The following HBS1L variants were observed in gnomAD, a reference collection of about 807,000 sequenced individuals.
HBS1L encodes the protein HBS1 like translational GTPase.
A neutral mutation model predicts 88.9 loss-of-function variants in HBS1L; 55 were observed. The observed-to-expected ratio is 0.62, with a 90% CI of 0.50 to 0.77. The LOEUF is 0.77. Ranked by LOEUF, HBS1L falls within the 30% of genes least tolerant of loss-of-function variation. The probability of loss-of-function intolerance (pLI) is 0.00; values close to 1 mark genes in which losing one functional copy is unlikely to be tolerated. For synonymous variants in HBS1L, 267 were observed against 288.5 expected, an observed-to-expected ratio of 0.93 and a Z score of 0.76; for missense variants, 741 against 829.3, an observed-to-expected ratio of 0.89 and a Z score of 1.31.
At chr6:135,038,905 TTCCTA>T (rs1776641865) in intron 4 of HBS1L, among the ~76,000 whole-genome samples, 1 of 152,204 alleles carries the variant, frequency 6.6e-6, no homozygotes, top group Non-Finnish European at 1.5e-5. Flanking sequence ...CAATTTCCTT[TTCCTA>T]TCTCATCAGA....
Position 134,985,413 on chromosome 6 carries a change from GA to G in HBS1L, c.1424-5del. Reference sequence around the variant, plus strand: ...CGCTGGGGAGGCTTAAAGGAATCTGGAAAAAAGAAATTGCAAAAGGCAAGGT... The same window carrying G: ...CGCTGGGGAGGCTTAAAGGAATCTGGAAAAAGAAATTGCAAAAGGCAAGGT... On this transcript the variant is annotated splice_polypyrimidine_tract_variant and splice_region_variant and intron_variant, in intron 11 of 17. Coordinates refer to ENST00000367837, the MANE Select transcript of HBS1L (RefSeq NM_006620.4). The G allele has an allele frequency of 2.5e-6, 4 of 1,581,400 alleles. No homozygotes were observed. Among genetic ancestry groups the G allele is most frequent in the South Asian group, 2.3e-5 (2 of 86,026 alleles).
chr6:135,035,505 C>T (rs1452488355), intron 4 of HBS1L, among the ~76,000 whole-genome samples: 1 of 150,934 alleles, frequency 6.6e-6, no homozygotes, highest in African/African-American at 2.4e-5. Flanking sequence ...CTTTGGGAGG[C>T]CAAGGCGGGC....
intron 1 of HBS1L, among the ~76,000 whole-genome samples, chr6:135,052,605 A>G (rs1777123085): frequency 6.6e-6 from 1 of 152,186 alleles, no homozygotes; most frequent in South Asian, 2.1e-4. Context: ...AAAAAGAAAA[A>G]AAACTCTTTT....
Position 134,975,984 on chromosome 6 carries a change from G to A in HBS1L, c.1797+2695C>T, listed in dbSNP as rs149110475. ...ATAGTAAACAGACAATCCACAGAAT[G>A]GAAGAAAATATTTGCAAACTATGCA... On this transcript the variant is annotated intron_variant, in intron 15 of 17. Coordinates refer to ENST00000367837, the MANE Select transcript of HBS1L (RefSeq NM_006620.4). 1.3e-3 allele frequency among the ~76,000 whole-genome samples: 200 copies of A among 152,184 alleles called. 2 individuals are homozygous for A. Among genetic ancestry groups the A allele is most frequent in the African/African-American group, 4.4e-3 (183 of 41,542 alleles).
At chr6:135,015,686 A>G (rs1219340244) in intron 4 of HBS1L, among the ~76,000 whole-genome samples, 1 of 148,102 alleles carries the variant, frequency 6.8e-6, no homozygotes. Context: ...GGTTCAAGCA[A>G]TTCTCCTGCC....
chr6:134,971,588 G>A (rs1029470474), intron 15 of HBS1L, among the ~76,000 whole-genome samples: 1 of 152,134 alleles, frequency 6.6e-6, no homozygotes, highest in Non-Finnish European at 1.5e-5. Flanking sequence ...CATCTCCTCA[G>A]TATCTTGCAA....
rs750737914 is a variant in HBS1L, at chr6:134,985,366, T to C, written c.1467A>G (p.Arg489=). The part of the protein sequence containing the change: ...PPQRSIDKPF[R]LCVSDVFKDQ... The stretch of plus-strand genomic sequence containing the variant: ...CTTTGAAAACATCGGACACACATAA[T>C]CTAAAAGGTTTGTCAATAGATCGCT... Residue 489 remains arginine (R), a synonymous_variant, in exon 12 of 18, where the codon AGA becomes AGG. Transcript: ENST00000367837. The C allele has an allele frequency of 1.5e-5, 24 of 1,607,420 alleles. No homozygotes were observed. Among genetic ancestry groups the C allele is most frequent in the Non-Finnish European group, 2.0e-5 (23 of 1,177,134 alleles).
intron 8 of HBS1L, among the ~76,000 whole-genome samples, chr6:134,988,893 A>G (rs1373177148): frequency 6.6e-6 from 1 of 152,220 alleles, no homozygotes; most frequent in East Asian, 1.9e-4. Flanking sequence ...AAAACAGCAA[A>G]TATATGAATT....
At chr6:134,979,629 T>G (rs1161998987) in intron 13 of HBS1L, among the ~76,000 whole-genome samples, 2 of 152,088 alleles carry the variant, frequency 1.3e-5, no homozygotes, top group African/African-American at 4.8e-5. Context: ...ACAGTTCAAA[T>G]TATTCATAAT....
intron 15 of HBS1L, among the ~76,000 whole-genome samples, chr6:134,977,910 A>T (rs1431594427): frequency 2.0e-5 from 3 of 152,054 alleles, no homozygotes; most frequent in African/African-American, 7.2e-5. Flanking sequence ...ACAATTACAC[A>T]TAAAACAAAA....
chr6:135,016,743 G>A lies in HBS1L; in HGVS notation c.431-13901C>T, dbSNP rs1441060807. Among the ~76,000 whole-genome samples, 1,021 of 152,260 alleles carry A rather than the reference G, an allele frequency of 6.7e-3. 8 individuals are homozygous for A. The highest frequency in any genetic ancestry group is 0.02 in the African/African-American group (849 of 41,546). ...TTCAACTAAACTAAGAGTTCCAGAA[G>A]TTTATTTTATGATATATTTTACAAT... is the stretch of plus-strand genomic sequence containing the variant. On this transcript the variant is annotated intron_variant, in intron 4 of 17. Coordinates refer to ENST00000367837, the MANE Select transcript of HBS1L (RefSeq NM_006620.4).
intron 8 of HBS1L, among the ~76,000 whole-genome samples, chr6:134,989,381 G>T (rs1775068489): frequency 6.6e-6 from 1 of 152,044 alleles, no homozygotes; most frequent in Non-Finnish European, 1.5e-5. Flanking sequence ...GCTATCTCGG[G>T]CTGTTACATG....
intron 5 of HBS1L, among the ~76,000 whole-genome samples, chr6:134,999,134 T>G (rs1196599311): frequency 6.6e-6 from 1 of 152,218 alleles, no homozygotes; most frequent in East Asian, 1.9e-4. Context: ...GAATCAGACC[T>G]GGCAGAAATC....
At position 134,962,736 on chromosome 6, in the gene HBS1L, C is replaced by G. The variant is rs13196486; in HGVS notation, c.*2543G>C. The G allele has an allele frequency of 0.31, 47,856 of 152,110 alleles. 7,922 individuals are homozygous for G. The highest frequency in any genetic ancestry group is 0.37 in the Non-Finnish European group (25,426 of 67,986). 9.4% of individuals were successfully genotyped at this position (152,110 alleles called of 1,614,324 possible). ...AACAGTAAAATCATAAAAAAGAAGA[C>G]AGTCAGGACAAGAAATACCTGAAGC... On this transcript the variant is annotated 3_prime_UTR_variant, in exon 18 of 18. Coordinates refer to ENST00000367837, the MANE Select transcript of HBS1L (RefSeq NM_006620.4).
intron 15 of HBS1L, among the ~76,000 whole-genome samples, chr6:134,970,847 A>C (rs1774462281): frequency 6.6e-6 from 1 of 152,218 alleles, no homozygotes; most frequent in South Asian, 2.1e-4. Flanking sequence ...TCAAATAATA[A>C]GTGTGCAATA....
intron 12 of HBS1L, among the ~76,000 whole-genome samples, chr6:134,985,113 T>C (rs778865283): frequency 6.6e-6 from 1 of 150,508 alleles, no homozygotes; most frequent in Non-Finnish European, 1.5e-5. Flanking sequence ...GGTTTTCTTA[T>C]GCTTGAAAGA....
intron 8 of HBS1L, among the ~76,000 whole-genome samples, chr6:134,992,717 G>A (rs1220856671): frequency 6.6e-6 from 1 of 152,060 alleles, no homozygotes; most frequent in Non-Finnish European, 1.5e-5. Context: ...TATTATAAGA[G>A]AGTCAGAAAG....
intron 2 of HBS1L, among the ~76,000 whole-genome samples, chr6:135,048,608 T>A (rs1160820377): frequency 6.6e-6 from 1 of 152,224 alleles, no homozygotes; most frequent in Non-Finnish European, 1.5e-5. Flanking sequence ...TGCCTTTTGT[T>A]CCCCTAAGAA....
intron 3 of HBS1L, among the ~76,000 whole-genome samples, chr6:135,041,164 G>C (rs1014229216): frequency 6.6e-6 from 1 of 151,248 alleles, no homozygotes; most frequent in Non-Finnish European, 1.5e-5. Flanking sequence ...AAAAGTATTT[G>C]ATACTTCTTT....
Sources: allele counts gnomAD v4.1 joint callset (sites outside exome capture counted in the v4.1 genomes callset), GRCh38; gene constraint gnomAD v4.1.1; transcripts MANE v1.5; gene names NCBI Gene and HGNC (gene_info 2026-07-23, HGNC 2026-07-21).